Variants in NRG3 observed in about 807,000 individuals in gnomAD.
NRG3 encodes neuregulin 3.
In NRG3, 31 loss-of-function variants were observed where a neutral mutation model predicts 66.9. The ratio of observed to expected loss-of-function variants is 0.46; its 90% CI spans 0.35 to 0.63. The LOEUF (loss-of-function observed/expected upper bound fraction) is 0.63, where lower values mean the gene tolerates loss of function less well. Among genes scored for constraint, NRG3 ranks in the 20% least tolerant of loss-of-function variants. The pLI is 0.00. For synonymous variants in NRG3, 393 were observed against 359.4 expected (o/e 1.09, Z -1.06); for missense variants, 910 against 878.9 (o/e 1.04, Z -0.45).
In NRG3 at chr10:82,512,276, AT is replaced by A. The variant is rs1845252721; in HGVS notation, c.953+153411del. Among the ~76,000 whole-genome samples, 4 of 151,486 alleles carry A rather than the reference AT, an allele frequency of 2.6e-5. No homozygotes were observed. In the South Asian group the frequency reaches 8.3e-4, roughly 31 times the overall value. ...TTCCATACACGTATAATTTATTTTT[AT>A]TTATCTTTTATTTTTTTTTATTTTT... is the stretch of plus-strand genomic sequence containing the variant. On this transcript the variant is annotated intron_variant, in intron 2 of 8. Transcript: ENST00000372141.
intron 2 of NRG3, among the ~76,000 whole-genome samples, chr10:82,593,508 T>C (rs2047099307): frequency 6.6e-6 from 1 of 152,190 alleles, no homozygotes; most frequent in Non-Finnish European, 1.5e-5. Flanking sequence ...CAAGTTACTA[T>C]TGACCACACT....
chr10:82,462,215 A>G (rs1358345353), intron 2 of NRG3, among the ~76,000 whole-genome samples: 2 of 152,090 alleles, frequency 1.3e-5, no homozygotes, highest in Non-Finnish European at 2.9e-5. Flanking sequence ...GTTGATTTGG[A>G]AATGAAGAAA....
At chr10:82,117,996 A>G (rs2067831155) in intron 1 of NRG3, among the ~76,000 whole-genome samples, 1 of 152,126 alleles carries the variant, frequency 6.6e-6, no homozygotes, top group African/African-American at 2.4e-5. Context: ...ATTATTGTAC[A>G]GAAAATGTTG....
At chr10:82,408,166 T>C (rs566282212) in intron 2 of NRG3, among the ~76,000 whole-genome samples, 1 of 147,718 alleles carries the variant, frequency 6.8e-6, no homozygotes, top group South Asian at 2.2e-4. Context: ...AAAGTAACAA[T>C]TTGGAAATGT....
At chr10:82,786,884 G>C (rs1408239800) in intron 3 of NRG3, among the ~76,000 whole-genome samples, 1 of 152,120 alleles carries the variant, frequency 6.6e-6, no homozygotes, top group Non-Finnish European at 1.5e-5. Flanking sequence ...ACCCTCCTCT[G>C]TCTCTCATGT....
intron 1 of NRG3, among the ~76,000 whole-genome samples, chr10:81,915,361 C>T (rs1177047153): frequency 1.3e-5 from 2 of 152,244 alleles, no homozygotes; most frequent in African/African-American, 2.4e-5. Context: ...CTAGATTCTT[C>T]ATCATGGCAC....
intron 1 of NRG3, among the ~76,000 whole-genome samples, chr10:82,138,392 A>G (rs12571344): frequency 0.13 from 19,536 of 152,190 alleles, 1,365 homozygotes; most frequent in East Asian, 0.22. Context: ...TGGCCCACAT[A>G]GAAAGAGACA....
chr10:82,226,324 G>A (rs1271308694), intron 1 of NRG3, among the ~76,000 whole-genome samples: 3 of 152,274 alleles, frequency 2.0e-5, no homozygotes, highest in Middle Eastern at 3.4e-3. Context: ...ATTTGATCAT[G>A]TGTAGGACTC....
At chr10:82,486,839 A>G (rs958039622) in intron 2 of NRG3, among the ~76,000 whole-genome samples, 2 of 152,132 alleles carry the variant, frequency 1.3e-5, no homozygotes, top group Non-Finnish European at 2.9e-5. Flanking sequence ...GACAAATGCT[A>G]TATGATTCCA....
chr10:82,840,245 C>T (rs938709722), intron 3 of NRG3, among the ~76,000 whole-genome samples: 2 of 152,152 alleles, frequency 1.3e-5, no homozygotes, highest in African/African-American at 4.8e-5. Context: ...TTAACTCCTT[C>T]ACTCCCATCA....
intron 1 of NRG3, among the ~76,000 whole-genome samples, chr10:82,175,787 G>A (rs184976305): frequency 7.9e-5 from 12 of 152,250 alleles, no homozygotes; most frequent in African/African-American, 2.9e-4. Context: ...TATTGGCTAA[G>A]TTGCTCATGC....
intron 4 of NRG3, among the ~76,000 whole-genome samples, chr10:82,909,895 T>C (rs1267428048): frequency 6.6e-6 from 1 of 152,198 alleles, no homozygotes; most frequent in East Asian, 1.9e-4. Flanking sequence ...TGTATGATGG[T>C]AGAATGGCTA....
At chr10:81,961,561 C>A (rs72835852) in intron 1 of NRG3, among the ~76,000 whole-genome samples, 2 of 152,304 alleles carry the variant, frequency 1.3e-5, no homozygotes, top group East Asian at 1.9e-4. Flanking sequence ...GTATTCATTT[C>A]TAGAATCATA....
intron 1 of NRG3, among the ~76,000 whole-genome samples, chr10:82,098,062 C>T (rs865831005): frequency 0.03 from 4,184 of 139,412 alleles, 122 homozygotes; most frequent in East Asian, 0.077. Flanking sequence ...TATACACACA[C>T]ACACACACAC....
intron 1 of NRG3, among the ~76,000 whole-genome samples, chr10:82,179,087 T>C (rs1052113567): frequency 3.9e-5 from 6 of 152,010 alleles, no homozygotes; most frequent in Non-Finnish European, 7.4e-5. Flanking sequence ...AATCAGATAA[T>C]TGGAGCTTTT....
At chr10:82,744,291 G>A (rs530983265) in intron 3 of NRG3, among the ~76,000 whole-genome samples, 10 of 152,026 alleles carry the variant, frequency 6.6e-5, no homozygotes, top group African/African-American at 2.4e-4. Flanking sequence ...CCATTAACTG[G>A]GTGGCTTATA....
intron 1 of NRG3, among the ~76,000 whole-genome samples, chr10:82,136,727 A>G (rs747181846): frequency 6.6e-6 from 1 of 152,112 alleles, no homozygotes; most frequent in Non-Finnish European, 1.5e-5. Flanking sequence ...CTCTTTATTC[A>G]GCAGAACTTG....
chr10:82,807,690 G>A (rs1335850444), intron 3 of NRG3, among the ~76,000 whole-genome samples: 1 of 152,146 alleles, frequency 6.6e-6, no homozygotes, highest in Non-Finnish European at 1.5e-5. Flanking sequence ...TTAATAATAA[G>A]CTCCCTTGAT....
chr10:82,495,045 A>G (rs767615607), intron 2 of NRG3, among the ~76,000 whole-genome samples: 5 of 151,736 alleles, frequency 3.3e-5, no homozygotes, highest in Non-Finnish European at 7.4e-5. Flanking sequence ...GGTTCAAGCA[A>G]TTCTCCTGCC....
Sources: allele counts gnomAD v4.1 joint callset (sites outside exome capture counted in the v4.1 genomes callset), GRCh38; gene constraint gnomAD v4.1.1; transcripts MANE v1.5; gene names NCBI Gene and HGNC (gene_info 2026-07-23, HGNC 2026-07-21).